The following FBXL17 variants were observed in gnomAD, a reference collection of about 807,000 sequenced individuals.
FBXL17 encodes the protein F-box/LRR-repeat protein 17.
Under a neutral mutation model 66.2 loss-of-function variants are expected in FBXL17, and 22 were observed. The observed-to-expected ratio is 0.33, with a 90% CI of 0.24 to 0.47. The LOEUF (loss-of-function observed/expected upper bound fraction) is 0.47. Among genes scored for constraint, FBXL17 ranks in the 20% least tolerant of loss-of-function variants. FBXL17 has a pLI of 1.00. For synonymous variants in FBXL17, 474 were observed against 400.5 expected (o/e 1.18, Z -2.19); for missense variants, 878 against 948.2 (o/e 0.93, Z 0.97).
At chr5:108,081,593 G>A (rs1487587051) in intron 6 of FBXL17, among the ~76,000 whole-genome samples, 1 of 152,032 alleles carries the variant, frequency 6.6e-6, no homozygotes, top group Admixed American at 6.6e-5. Context: ...CGTGGTGGCA[G>A]GCGTCTGTAG....
At chr5:108,204,510 G>A (rs573306859) in intron 5 of FBXL17, among the ~76,000 whole-genome samples, 1 of 152,228 alleles carries the variant, frequency 6.6e-6, no homozygotes, top group East Asian at 1.9e-4. Flanking sequence ...CTTGACTACT[G>A]ATTGAAATCA....
At chr5:108,125,883 T>C (rs1381553764) in intron 6 of FBXL17, among the ~76,000 whole-genome samples, 1 of 152,128 alleles carries the variant, frequency 6.6e-6, no homozygotes, top group Non-Finnish European at 1.5e-5. Context: ...TTTTTAGTCG[T>C]ATATGCCCTT....
intron 4 of FBXL17, among the ~76,000 whole-genome samples, chr5:108,330,387 T>C (rs1760066356): frequency 1.3e-5 from 2 of 152,216 alleles, no homozygotes; most frequent in Non-Finnish European, 2.9e-5. Flanking sequence ...TTAAAAAGTA[T>C]GCAAGGGATT....
At position 107,947,136 on chromosome 5, in the gene FBXL17, C is replaced by A. The variant is rs150695581; in HGVS notation, c.1823-65957G>T. Among the ~76,000 whole-genome samples the A allele has an allele frequency of 4.6e-4, 70 of 152,256 alleles. No homozygotes were observed. In the East Asian group the frequency reaches 8.9e-3, roughly 19 times the overall value. ...ACACCAACATGACTTTTTTCACGGG[C>A]TGATCAGAAAATGATGGCTGACAGA... On this transcript the variant is annotated intron_variant, in intron 7 of 8. Transcript: ENST00000542267.
intron 6 of FBXL17, among the ~76,000 whole-genome samples, chr5:108,029,919 G>A (rs1754969487): frequency 6.6e-6 from 1 of 151,888 alleles, no homozygotes; most frequent in Non-Finnish European, 1.5e-5. Context: ...CCATTTCAGT[G>A]GTTCCTAACG....
At chr5:108,316,688 T>A (rs1178161963) in intron 4 of FBXL17, among the ~76,000 whole-genome samples, 1 of 151,348 alleles carries the variant, frequency 6.6e-6, no homozygotes, top group Non-Finnish European at 1.5e-5. Context: ...TATGAAATAG[T>A]CATTTTTAAA....
intron 6 of FBXL17, among the ~76,000 whole-genome samples, chr5:108,066,860 C>A (rs963179846): frequency 2.0e-5 from 3 of 151,732 alleles, no homozygotes; most frequent in Non-Finnish European, 4.4e-5. Context: ...TTTCTGATGT[C>A]TATAAAAATA....
At chr5:108,240,420 C>T (rs1755805068) in intron 4 of FBXL17, among the ~76,000 whole-genome samples, 1 of 152,078 alleles carries the variant, frequency 6.6e-6, no homozygotes, top group Non-Finnish European at 1.5e-5. Context: ...GGTAGCCAGG[C>T]AGTACTCCCT....
chr5:107,924,696 T>A (rs537118075), intron 7 of FBXL17, among the ~76,000 whole-genome samples: 1 of 152,326 alleles, frequency 6.6e-6, no homozygotes, highest in African/African-American at 2.4e-5. Context: ...ATTGTGAGGA[T>A]CTGCCCTAAG....
intron 4 of FBXL17, among the ~76,000 whole-genome samples, chr5:108,320,810 T>C (rs891543088): frequency 6.6e-6 from 1 of 151,812 alleles, no homozygotes; most frequent in Admixed American, 6.6e-5. Flanking sequence ...CATATTTAAG[T>C]AGGTTATCTT....
intron 7 of FBXL17, among the ~76,000 whole-genome samples, chr5:107,892,489 T>A (rs1749229023): frequency 6.6e-6 from 1 of 152,138 alleles, no homozygotes; most frequent in African/African-American, 2.4e-5. Context: ...CAAGTTTTAT[T>A]TTTACAAAGT....
intron 7 of FBXL17, among the ~76,000 whole-genome samples, chr5:107,914,622 T>C (rs1750066248): frequency 3.9e-5 from 6 of 152,222 alleles, no homozygotes; most frequent in Admixed American, 3.3e-4. Flanking sequence ...GGGTGGGCAT[T>C]TGACATAAGT....
chr5:108,272,345 C>T (rs1159172272), intron 4 of FBXL17, among the ~76,000 whole-genome samples: 5 of 146,680 alleles, frequency 3.4e-5, no homozygotes, highest in Non-Finnish European at 7.5e-5. Context: ...AACCAACAAA[C>T]GTTAGCTATA....
chr5:107,867,432 G>T (rs1274991929), intron 8 of FBXL17, among the ~76,000 whole-genome samples: 2 of 152,222 alleles, frequency 1.3e-5, no homozygotes, highest in Admixed American at 6.5e-5. Context: ...AACCAAGTGT[G>T]TAGACTAAAA....
At chr5:108,056,776 A>C (rs560593044) in intron 6 of FBXL17, among the ~76,000 whole-genome samples, 57 of 152,346 alleles carry the variant, frequency 3.7e-4, no homozygotes, top group Non-Finnish European at 7.5e-4. Context: ...TCACCAATTT[A>C]AGCACATCTT....
In FBXL17 at chr5:108,223,311, A is replaced by C. The variant is rs1754953834; in HGVS notation, c.1614+810T>G. ...GGGATCTTACCTGGTTTTTTTCATC[A>C]TTGTGTTGCCAATACAGCAACTTTC... On this transcript the variant is annotated intron_variant, in intron 5 of 8. Transcript: ENST00000542267. 2.0e-5 allele frequency among the ~76,000 whole-genome samples: 3 copies of C among 152,162 alleles called. No individual in the cohort carries two copies. The South Asian group carries it at 6.2e-4, about 32-fold the overall frequency.
intron 6 of FBXL17, among the ~76,000 whole-genome samples, chr5:108,045,801 T>C (rs1432108075): frequency 2.0e-5 from 3 of 152,236 alleles, no homozygotes; most frequent in African/African-American, 7.2e-5. Flanking sequence ...GATTTCCAGT[T>C]TGAGTCCACT....
At chr5:108,019,662 C>T (rs930067645) in intron 7 of FBXL17, among the ~76,000 whole-genome samples, 3 of 151,552 alleles carry the variant, frequency 2.0e-5, no homozygotes, top group African/African-American at 7.3e-5. Flanking sequence ...TACACACACA[C>T]ACACTCTCTC....
chr5:108,003,964 T>C (rs1050221720), intron 7 of FBXL17, among the ~76,000 whole-genome samples: 2 of 152,076 alleles, frequency 1.3e-5, no homozygotes, highest in African/African-American at 4.8e-5. Context: ...AGTCCTTGGG[T>C]TGAGGAAGAT....
Sources: allele counts gnomAD v4.1 joint callset (sites outside exome capture counted in the v4.1 genomes callset), GRCh38; gene constraint gnomAD v4.1.1; transcripts MANE v1.5; gene names NCBI Gene and HGNC (gene_info 2026-07-23, HGNC 2026-07-21).